Variants in MARCHF1 observed in about 807,000 individuals in gnomAD.
MARCHF1 encodes the protein E3 ubiquitin-protein ligase MARCHF1.
MARCHF1 carries 40 observed loss-of-function variants against 54.2 expected under a neutral mutation model. That is an observed-to-expected ratio of 0.74 (90% confidence interval 0.57 to 0.96). MARCHF1 has a LOEUF of 0.96. Among genes scored for constraint, MARCHF1 ranks in the 40% least tolerant of loss-of-function variants. The pLI is 0.00. For synonymous variants in MARCHF1, 236 were observed against 236.3 expected, an observed-to-expected ratio of 1.00 and a Z score of 0.01; for missense variants, 586 against 656.5, an observed-to-expected ratio of 0.89 and a Z score of 1.17.
At chr4:163,889,142 A>T (rs905575085) in intron 3 of MARCHF1, among the ~76,000 whole-genome samples, 2 of 152,172 alleles carry the variant, frequency 1.3e-5, no homozygotes, top group African/African-American at 4.8e-5. Context: ...GTTATGTTCT[A>T]GGGACCACAG....
intron 8 of MARCHF1, among the ~76,000 whole-genome samples, chr4:163,551,418 C>T (rs1165755396): frequency 1.3e-5 from 2 of 152,074 alleles, no homozygotes; most frequent in Non-Finnish European, 2.9e-5. Context: ...AATAATTTCC[C>T]TCTTAAAAAT....
intron 4 of MARCHF1, among the ~76,000 whole-genome samples, chr4:163,801,854 T>C (rs562165667): frequency 8.5e-5 from 13 of 152,286 alleles, no homozygotes; most frequent in Admixed American, 6.5e-4. Context: ...ATATAAGTTC[T>C]TTTTCAAATT....
intron 2 of MARCHF1, among the ~76,000 whole-genome samples, chr4:164,059,820 G>T (rs1018027422): frequency 7.2e-5 from 11 of 152,050 alleles, no homozygotes; most frequent in African/African-American, 2.7e-4. Flanking sequence ...TGTTTGAAAT[G>T]AATAAATATT....
At chr4:163,769,461 A>G (rs537317361) in intron 4 of MARCHF1, among the ~76,000 whole-genome samples, 1 of 152,154 alleles carries the variant, frequency 6.6e-6, no homozygotes, top group Non-Finnish European at 1.5e-5. Flanking sequence ...AGAAATCTAT[A>G]AGGTAGGTTC....
intron 8 of MARCHF1, among the ~76,000 whole-genome samples, chr4:163,562,598 A>G (rs549458166): frequency 4.0e-5 from 6 of 151,628 alleles, no homozygotes; most frequent in African/African-American, 1.2e-4. Flanking sequence ...CACTCTCCCA[A>G]TCTTTCTCAT....
chr4:164,115,064 G>A (rs971513827), intron 1 of MARCHF1, among the ~76,000 whole-genome samples: 1 of 151,954 alleles, frequency 6.6e-6, no homozygotes, highest in African/African-American at 2.4e-5. Flanking sequence ...TCTTATATAA[G>A]AAAGTTTAAA....
chr4:163,803,521 G>A (rs1190626897), intron 4 of MARCHF1, among the ~76,000 whole-genome samples: 1 of 149,380 alleles, frequency 6.7e-6, no homozygotes, highest in African/African-American at 2.6e-5. Context: ...GAATCCATAG[G>A]TGTCTTTAAA....
chr4:163,727,533 C>T (rs1051945082), intron 4 of MARCHF1, among the ~76,000 whole-genome samples: 4 of 151,976 alleles, frequency 2.6e-5, no homozygotes, highest in Admixed American at 2.6e-4. Context: ...TCTTGATCTC[C>T]TGACCTTGTG....
At chr4:164,324,622 G>T (rs1032628382) in intron 1 of MARCHF1, among the ~76,000 whole-genome samples, 3 of 151,362 alleles carry the variant, frequency 2.0e-5, no homozygotes, top group Non-Finnish European at 4.4e-5. Flanking sequence ...TTTTAGCAAA[G>T]AGTGAAAAAC....
At chr4:164,244,345 T>G (rs1419196971) in intron 1 of MARCHF1, among the ~76,000 whole-genome samples, 4 of 152,046 alleles carry the variant, frequency 2.6e-5, no homozygotes, top group Non-Finnish European at 5.9e-5. Context: ...AACAACCTGC[T>G]CCTGAATGAC....
rs117872935 is a variant in MARCHF1, at chr4:164,162,892, T to C, written c.-322-51230A>G. Among the ~76,000 whole-genome samples the C allele has an allele frequency of 1.5e-3, 233 of 152,032 alleles. 6 individuals are homozygous for C. The East Asian group carries it at 0.038, about 24-fold the overall frequency. On this transcript the variant is annotated intron_variant, in intron 1 of 9. Coordinates refer to ENST00000514618, the MANE Select transcript of MARCHF1 (RefSeq NM_001394959.1). ...ATTAAAGGGAAGCTAGCCAGGAAAA[T>C]ACATCATCTTTAAATAAGCAACAGT...
At chr4:164,319,658 C>T (rs1397518735) in intron 1 of MARCHF1, among the ~76,000 whole-genome samples, 1 of 152,084 alleles carries the variant, frequency 6.6e-6, no homozygotes, top group Non-Finnish European at 1.5e-5. Flanking sequence ...TACTTTTCCT[C>T]TTTAGTTCAG....
rs1271862594 is a variant in MARCHF1 at position 163,537,360 on chromosome 4, G to A, written c.1339+8236C>T. Among the ~76,000 whole-genome samples the A allele has an allele frequency of 2.0e-5, 3 of 152,174 alleles. No individual in the cohort carries two copies. The East Asian group carries it at 5.8e-4, about 29-fold the overall frequency. ...CACCACAAAAAAGGACAATGATAGA[G>A]AAAGGAAGGCACTAAATCTTTTCCC... is the stretch of plus-strand genomic sequence containing the variant. On this transcript the variant is annotated intron_variant, in intron 9 of 9. Coordinates refer to ENST00000514618, the MANE Select transcript of MARCHF1 (RefSeq NM_001394959.1).
intron 2 of MARCHF1, among the ~76,000 whole-genome samples, chr4:164,101,521 A>C (rs1269177424): frequency 3.9e-5 from 5 of 129,472 alleles, no homozygotes; most frequent in Non-Finnish European, 8.5e-5. Flanking sequence ...CTAACATGGC[A>C]GGGTACTCCA....
chr4:163,982,284 T>C (rs1210632172), intron 3 of MARCHF1, among the ~76,000 whole-genome samples: 1 of 152,214 alleles, frequency 6.6e-6, no homozygotes, highest in African/African-American at 2.4e-5. Flanking sequence ...TTAGCCTTTC[T>C]ACCCCTTGGC....
At chr4:164,066,985 T>A (rs1754743882) in intron 2 of MARCHF1, among the ~76,000 whole-genome samples, 2 of 152,072 alleles carry the variant, frequency 1.3e-5, no homozygotes, top group Non-Finnish European at 1.5e-5. Flanking sequence ...AGTTTGCTTA[T>A]GTAACAAACC....
chr4:163,742,683 G>A (rs1341063287), intron 4 of MARCHF1, among the ~76,000 whole-genome samples: 2 of 151,764 alleles, frequency 1.3e-5, no homozygotes, highest in African/African-American at 2.4e-5. Flanking sequence ...TCATTATGTT[G>A]TCCAGGTTAG....
intron 4 of MARCHF1, among the ~76,000 whole-genome samples, chr4:163,756,333 G>C (rs1746665452): frequency 6.6e-6 from 1 of 151,964 alleles, no homozygotes; most frequent in African/African-American, 2.4e-5. Context: ...AGTCAGTTAA[G>C]AAAATGAGCA....
chr4:163,524,668 T>A (rs1579024730), downstream of MARCHF1: 1 of 152,226 alleles, frequency 6.6e-6, no homozygotes, highest in African/African-American at 2.4e-5. Flanking sequence ...TGTTTGGATG[T>A]TGCAAATACA....
Sources: allele counts gnomAD v4.1 joint callset (sites outside exome capture counted in the v4.1 genomes callset), GRCh38; gene constraint gnomAD v4.1.1; transcripts MANE v1.5; gene names NCBI Gene and HGNC (gene_info 2026-07-23, HGNC 2026-07-21).